COX7A2L: variants seen among roughly 807,000 people sequenced by gnomAD.
The protein encoded by COX7A2L is cytochrome c oxidase subunit 7A2-like, mitochondrial.
COX7A2L carries 18 observed loss-of-function variants against 14.2 expected under a neutral mutation model. The ratio of observed to expected loss-of-function variants is 1.27; its 90% CI spans 0.88 to 1.88. The LOEUF (loss-of-function observed/expected upper bound fraction) is 1.88, where lower values mean the gene tolerates loss of function less well. Among genes scored for constraint, COX7A2L ranks in the 40% most tolerant of loss-of-function variants. The probability of loss-of-function intolerance (pLI) is 0.00; values close to 1 mark genes in which losing one functional copy is unlikely to be tolerated. For missense variants in COX7A2L, 179 were observed against 138.8 expected (o/e 1.29, Z -1.46); for synonymous variants, 65 against 57.4 (o/e 1.13, Z -0.60).
At chr2:42,358,260 C>T (rs1330225593) in intron 1 of COX7A2L, among the ~76,000 whole-genome samples, 1 of 152,154 alleles carries the variant, frequency 6.6e-6, no homozygotes, top group Admixed American at 6.5e-5. Flanking sequence ...TCTTCATGTG[C>T]TTATTGGCCT....
intron 2 of COX7A2L, among the ~76,000 whole-genome samples, chr2:42,343,072 T>C (rs1670432038): frequency 6.6e-6 from 1 of 152,152 alleles, no homozygotes; most frequent in Non-Finnish European, 1.5e-5. Context: ...GTTCACGTCA[T>C]GAGAGCAAGA....
rs1403467478 is a variant in COX7A2L at position 42,338,022 on chromosome 2, CTG to C, written c.193-4155_193-4154del. 2.0e-5 allele frequency among the ~76,000 whole-genome samples: 3 copies of C among 152,150 alleles called. No individual in the cohort carries two copies. The highest frequency in any genetic ancestry group is 7.2e-5 in the African/African-American group (3 of 41,448). ...AGCCTAGGCGAGGGAGGGTGTCAGT[CTG>C]GGGTATGACTGTGAAGCTCAGCATC... On this transcript the variant is annotated intron_variant, in intron 2 of 2. Transcript: ENST00000468711. This position sits in a 1 kb window ranked among gnomAD's most constrained non-coding sequence, Gnocchi z 4.4.
At chr2:42,340,777 GCTCCACTGCA>G (rs1367647102) in intron 2 of COX7A2L, among the ~76,000 whole-genome samples, 1 of 152,180 alleles carries the variant, frequency 6.6e-6, no homozygotes, top group African/African-American at 2.4e-5. Context: ...GCACTGGGCC[GCTCCACTGCA>G]CTCTGACTGT....
chr2:42,348,750 C>G (rs752192695), downstream of COX7A2L, among the ~76,000 whole-genome samples: 1 of 152,078 alleles, frequency 6.6e-6, no homozygotes, highest in Non-Finnish European at 1.5e-5. Flanking sequence ...AACCCCATCT[C>G]TACTAAAATT....
At chr2:42,346,709 A>C (rs901628433), downstream of COX7A2L, among the ~76,000 whole-genome samples, 2 of 151,946 alleles carry the variant, frequency 1.3e-5, no homozygotes, top group Non-Finnish European at 2.9e-5. Context: ...ACAGTGAGCC[A>C]GTATCGAGCC....
At chr2:42,346,092 C>A (rs533705594), downstream of COX7A2L, among the ~76,000 whole-genome samples, 3 of 152,318 alleles carry the variant, frequency 2.0e-5, no homozygotes, top group South Asian at 2.1e-4. Flanking sequence ...TCTGCCCCCA[C>A]AGCCTGGCAC....
At chr2:42,347,889 C>T (rs1215139858), downstream of COX7A2L, among the ~76,000 whole-genome samples, 1 of 152,144 alleles carries the variant, frequency 6.6e-6, no homozygotes, top group Non-Finnish European at 1.5e-5. Flanking sequence ...CCATTGCACT[C>T]CAGCCTGGGC....
intron 2 of COX7A2L, among the ~76,000 whole-genome samples, chr2:42,343,313 A>T (rs1381239296): frequency 1.3e-5 from 2 of 152,256 alleles, no homozygotes; most frequent in African/African-American, 4.8e-5. Context: ...CATGTGGTCT[A>T]TCAACCCTAA....
intron 1 of COX7A2L, among the ~76,000 whole-genome samples, chr2:42,366,637 A>G (rs928671059): frequency 6.6e-6 from 1 of 152,252 alleles, no homozygotes; most frequent in African/African-American, 2.4e-5. Context: ...GGAAGTCTAT[A>G]TAGGAAATAC....
Position 42,339,412 on chromosome 2 carries a change from A to G in COX7A2L, c.193-5543T>C, listed in dbSNP as rs868571076. On this transcript the variant is annotated intron_variant, in intron 2 of 2. Coordinates refer to the COX7A2L transcript ENST00000468711. This position sits in a 1 kb window ranked among gnomAD's most constrained non-coding sequence, Gnocchi z 5.4. ...CACACACTAGTGGTGAACCAAGAGGACTGCGGGGCAGCCTCCAAGGCCACA... is the reference window on the plus strand; with the variant it reads ...CACACACTAGTGGTGAACCAAGAGGGCTGCGGGGCAGCCTCCAAGGCCACA... 5.3e-5 allele frequency among the ~76,000 whole-genome samples: 8 copies of G among 152,236 alleles called. No individual in the cohort carries two copies. Among genetic ancestry groups the G allele is most frequent in the Middle Eastern group, 3.4e-3 (1 of 294 alleles).
At chr2:42,367,477 C>G (rs571483741) in intron 1 of COX7A2L, among the ~76,000 whole-genome samples, 3 of 151,664 alleles carry the variant, frequency 2.0e-5, no homozygotes, top group Non-Finnish European at 4.4e-5. Context: ...GGAAACAAAA[C>G]CTATAAAGAA....
downstream of COX7A2L, among the ~76,000 whole-genome samples, chr2:42,344,746 G>C (rs912467060): frequency 1.3e-5 from 2 of 151,968 alleles, no homozygotes; most frequent in Non-Finnish European, 2.9e-5. Context: ...AGCTACTCAG[G>C]AGCCTGAGGC....
chr2:42,354,927 A>G (rs1487152047), intron 1 of COX7A2L, among the ~76,000 whole-genome samples: 1 of 152,232 alleles, frequency 6.6e-6, no homozygotes, highest in African/African-American at 2.4e-5. Context: ...CTTAATTCTG[A>G]CAGCAACCCT....
chr2:42,351,950 T>G (rs139610439), intron 2 of COX7A2L, among the ~76,000 whole-genome samples: 1 of 152,228 alleles, frequency 6.6e-6, no homozygotes, highest in African/African-American at 2.4e-5. Flanking sequence ...GCCACTACAC[T>G]CTGGCCTGGG....
intron 2 of COX7A2L, among the ~76,000 whole-genome samples, chr2:42,343,356 G>C (rs946205857): frequency 1.2e-4 from 18 of 152,210 alleles, no homozygotes; most frequent in African/African-American, 4.3e-4. Flanking sequence ...ATGACCCTAA[G>C]CATGGTTCAT....
chr2:42,360,803 A>C (rs1671003887), intron 1 of COX7A2L: 1 of 447,260 alleles, frequency 2.2e-6, no homozygotes, highest in South Asian at 2.5e-5. Flanking sequence ...GGGGACCCCC[A>C]CAAACCATCC....
intron 2 of COX7A2L, among the ~76,000 whole-genome samples, chr2:42,352,458 A>G (rs1670678429): frequency 1.3e-5 from 2 of 152,108 alleles, no homozygotes; most frequent in African/African-American, 4.8e-5. Context: ...TGTTTAACTC[A>G]TATTTTGCAG....
At chr2:42,340,700 A>T (rs1670385647) in intron 2 of COX7A2L, among the ~76,000 whole-genome samples, 1 of 151,720 alleles carries the variant, frequency 6.6e-6, no homozygotes, top group Admixed American at 6.6e-5. Flanking sequence ...GTGAGGTGCA[A>T]GTTCAACAGC....
chr2:42,358,379 C>CAAT (rs1670898710), intron 1 of COX7A2L, among the ~76,000 whole-genome samples: 2 of 152,222 alleles, frequency 1.3e-5, no homozygotes. Context: ...CAAATCTCTA[C>CAAT]CTGTGCAATT....
Sources: allele counts gnomAD v4.1 joint callset (sites outside exome capture counted in the v4.1 genomes callset), GRCh38; gene constraint gnomAD v4.1.1; non-coding constraint Gnocchi (gnomAD v3.1); transcripts MANE v1.5; gene names NCBI Gene and HGNC (gene_info 2026-07-23, HGNC 2026-07-21).